Variants in UTS2B observed in about 807,000 individuals in gnomAD.
UTS2B encodes urotensin-2B.
In UTS2B, 21 loss-of-function variants were observed where a neutral mutation model predicts 19.2. The observed-to-expected ratio is 1.09, with a 90% CI of 0.78 to 1.58. UTS2B has a LOEUF of 1.58. Ranked by LOEUF, UTS2B falls within the 40% of genes most tolerant of loss-of-function variation. UTS2B has a pLI of 0.00. For synonymous variants in UTS2B, 57 were observed against 50.2 expected (o/e 1.14, Z -0.58); for missense variants, 138 against 130.3 (o/e 1.06, Z -0.29).
At chr3:191,335,252 A>G (rs527892440), upstream of UTS2B, among the ~76,000 whole-genome samples, 6 of 152,340 alleles carry the variant, frequency 3.9e-5, no homozygotes, top group South Asian at 1.0e-3. Flanking sequence ...GTACAGAAGC[A>G]TATTTAGAAG....
At chr3:191,316,778 A>G (rs1717465889) in intron 2 of UTS2B, among the ~76,000 whole-genome samples, 2 of 152,182 alleles carry the variant, frequency 1.3e-5, no homozygotes, top group South Asian at 2.1e-4. Flanking sequence ...TGAGCTAGAC[A>G]TAGGGTGATG....
intron 4 of UTS2B, among the ~76,000 whole-genome samples, chr3:191,302,290 G>T (rs1717025451): frequency 6.6e-6 from 1 of 152,130 alleles, no homozygotes; most frequent in Non-Finnish European, 1.5e-5. Context: ...AGTCTTAAAG[G>T]AGGAGAAACC....
At chr3:191,289,365 C>T (rs187758151) in intron 4 of UTS2B, among the ~76,000 whole-genome samples, 8 of 151,316 alleles carry the variant, frequency 5.3e-5, no homozygotes, top group South Asian at 2.1e-4. Context: ...GTGGAGATTG[C>T]GCCACTGCAC....
At chr3:191,275,402 C>G in intron 7 of UTS2B, 57 bp from the exon 8 acceptor site, 1 of 1,443,504 alleles carries the variant, frequency 6.9e-7, no homozygotes, top group Non-Finnish European at 9.7e-7. Flanking sequence ...TGCTGTTGAC[C>G]GGGCGCGGTG....
At chr3:191,292,459 T>C (rs1267170306) in intron 4 of UTS2B, among the ~76,000 whole-genome samples, 1 of 152,208 alleles carries the variant, frequency 6.6e-6, no homozygotes, top group East Asian at 1.9e-4. Context: ...TTGATCTTTG[T>C]ATTGATTGAT....
At chr3:191,287,719 C>G (rs185663065) in intron 4 of UTS2B, among the ~76,000 whole-genome samples, 131 of 151,952 alleles carry the variant, frequency 8.6e-4, no homozygotes, top group African/African-American at 3.0e-3. Flanking sequence ...CCACTCTCAC[C>G]ATTACTACGC....
chr3:191,312,729 A>G (rs930830485), intron 3 of UTS2B, among the ~76,000 whole-genome samples: 3 of 152,160 alleles, frequency 2.0e-5, no homozygotes, highest in Admixed American at 6.5e-5. Context: ...CTTCCAGAAC[A>G]TGGCTGATCT....
the UTS2B span, among the ~76,000 whole-genome samples, chr3:191,336,512 G>A: frequency 4.0e-5 from 6 of 151,616 alleles, no homozygotes; most frequent in Non-Finnish European, 8.8e-5. Context: ...TTTTAAAATC[G>A]ACTATTTTCT....
rs1715978720 is a variant in UTS2B at position 191,267,805 on chromosome 3, A to G, written c.*611T>C. ...CAGTATACAGAGATAAGAATTTACAATATACTGTGTGTGTAATTTCTAACA... is the reference window on the plus strand; with the variant it reads ...CAGTATACAGAGATAAGAATTTACAGTATACTGTGTGTGTAATTTCTAACA... On this transcript the variant is annotated 3_prime_UTR_variant, in exon 9 of 9. Coordinates refer to ENST00000340524, the MANE Select transcript of UTS2B (RefSeq NM_198152.5). 2 of 151,426 alleles carry G rather than the reference A, an allele frequency of 1.3e-5. No homozygotes were observed. The highest frequency in any genetic ancestry group is 6.6e-5 in the Admixed American group (1 of 15,252). 9.4% of individuals were successfully genotyped at this position (151,426 alleles called of 1,614,324 possible).
the UTS2B span, among the ~76,000 whole-genome samples, chr3:191,345,953 C>T: frequency 1.3e-5 from 2 of 152,156 alleles, no homozygotes; most frequent in Non-Finnish European, 2.9e-5. Context: ...TAAGTTGCCA[C>T]GTGATAACTG....
intron 4 of UTS2B, among the ~76,000 whole-genome samples, chr3:191,301,525 C>T (rs1424663868): frequency 7.8e-6 from 1 of 127,578 alleles, no homozygotes; most frequent in African/African-American, 3.0e-5. Flanking sequence ...CTCGCTCTGT[C>T]GCCCAGGCTG....
At chr3:191,283,743 G>T (rs932675083) in intron 4 of UTS2B, among the ~76,000 whole-genome samples, 5 of 150,792 alleles carry the variant, frequency 3.3e-5, no homozygotes, top group Non-Finnish European at 7.4e-5. Context: ...AGCTATATGA[G>T]CTGAAAGAAT....
At chr3:191,307,459 A>G (rs1717170292) in intron 3 of UTS2B, among the ~76,000 whole-genome samples, 1 of 152,234 alleles carries the variant, frequency 6.6e-6, no homozygotes, top group African/African-American at 2.4e-5. Context: ...GAGCATGGAC[A>G]AAGGAAAAGC....
the UTS2B span, among the ~76,000 whole-genome samples, chr3:191,343,118 G>A: frequency 1.3e-5 from 2 of 152,138 alleles, no homozygotes; most frequent in African/African-American, 4.8e-5. Flanking sequence ...ATATACCTGA[G>A]TTCCGCAGGG....
rs548888662 is a variant in UTS2B, at chr3:191,316,456, A to G, written c.-585-17T>C. ...CAAGATTTACTGCAAAGAGCGAAAA[A>G]ATAGATCTCCCACAGTGTGAAAGTC... On this transcript the variant is annotated splice_polypyrimidine_tract_variant and intron_variant, in intron 2 of 8. Transcript: ENST00000340524. 1 of 152,260 alleles carries G rather than the reference A, an allele frequency of 6.6e-6. No individual in the cohort carries two copies. Among genetic ancestry groups the G allele is most frequent in the Non-Finnish European group, 1.5e-5 (1 of 68,092 alleles). The allele number at this position is 152,260 out of a possible 1,614,324, so 9.4% of individuals were successfully genotyped here. A position where few individuals can be genotyped will look rare whatever the true frequency, so the allele number is the denominator to read the frequency against.
At chr3:191,271,654 G>A (rs1342983165) in intron 8 of UTS2B, among the ~76,000 whole-genome samples, 1 of 152,090 alleles carries the variant, frequency 6.6e-6, no homozygotes, top group Non-Finnish European at 1.5e-5. Flanking sequence ...CATCTGCTCA[G>A]TTTCTTCCCT....
At position 191,268,385 on chromosome 3, in the gene UTS2B, C is replaced by A; in HGVS notation, c.*31G>T. The A allele has an allele frequency of 6.5e-7, 1 of 1,537,534 alleles. No homozygotes were observed. The stretch of plus-strand genomic sequence containing the variant: ...TAGATACATATATTTTCCTGATATT[C>A]TTATCTTTTTTTGCATCCAGAGAAA... On this transcript the variant is annotated 3_prime_UTR_variant, in exon 9 of 9. Coordinates refer to ENST00000340524, the MANE Select transcript of UTS2B (RefSeq NM_198152.5).
intron 3 of UTS2B, among the ~76,000 whole-genome samples, chr3:191,307,614 T>A (rs1403820341): frequency 6.6e-6 from 1 of 152,082 alleles, no homozygotes; most frequent in Non-Finnish European, 1.5e-5. Flanking sequence ...CTGGCTTCCA[T>A]CTCATGTTTT....
At chr3:191,294,394 A>G (rs1281354264) in intron 4 of UTS2B, among the ~76,000 whole-genome samples, 1 of 151,912 alleles carries the variant, frequency 6.6e-6, no homozygotes, top group Non-Finnish European at 1.5e-5. Flanking sequence ...GTAAGAAAAA[A>G]AACTCTCTAA....
Sources: gnomAD v4.1 joint callset for allele counts (sites outside exome capture counted in the v4.1 genomes callset) on GRCh38, gnomAD v4.1.1 for gene constraint, MANE v1.5 for transcripts, NCBI Gene and HGNC (gene_info 2026-07-23, HGNC 2026-07-21) for gene names.